Variants in PDE11A observed in about 807,000 individuals in gnomAD.
The protein encoded by PDE11A is dual 3',5'-cyclic-AMP and -GMP phosphodiesterase 11A.
A neutral mutation model predicts 100.5 loss-of-function variants in PDE11A; 100 were observed. The ratio of observed to expected loss-of-function variants is 1.00; its 90% CI spans 0.85 to 1.18. The LOEUF (loss-of-function observed/expected upper bound fraction) is 1.18. PDE11A is among the 50% of genes most tolerant of loss of function. The probability of loss-of-function intolerance (pLI) is 0.00; values close to 1 mark genes in which losing one functional copy is unlikely to be tolerated. For synonymous variants in PDE11A, 381 were observed against 420.8 expected (o/e 0.91, Z 1.16); for missense variants, 1,141 against 1,152.6 (o/e 0.99, Z 0.15).
chr2:177,982,297 A>G (rs1427922825), intron 2 of PDE11A, among the ~76,000 whole-genome samples: 1 of 150,716 alleles, frequency 6.6e-6, no homozygotes, highest in Non-Finnish European at 1.5e-5. Context: ...TCATCATGGA[A>G]CTTAATGCCC....
At position 177,697,404 on chromosome 2, in the gene PDE11A, G is replaced by A; in HGVS notation, c.2273C>T (p.Ser758Phe). Residue 758 changes from serine (S) to phenylalanine (F), a missense_variant, in exon 15 of 20, where the codon TCC becomes TTC. Coordinates refer to ENST00000286063, the MANE Select transcript of PDE11A (RefSeq NM_016953.4). ...CTGCATAAGGTCACTATATTCCTTG[G>A]AGGACAGGTTAGCAAAGATATTGTG... is the stretch of plus-strand genomic sequence containing the variant. ...EGHNIFANLS[S>F]KEYSDLMQLL... 1 of 1,591,772 alleles carries A rather than the reference G, an allele frequency of 6.3e-7. No individual in the cohort carries two copies. Among genetic ancestry groups the A allele is most frequent in the Non-Finnish European group, 8.6e-7 (1 of 1,159,892 alleles).
chr2:177,989,627 TG>T (rs2085979708), intron 2 of PDE11A, among the ~76,000 whole-genome samples: 1 of 152,150 alleles, frequency 6.6e-6, no homozygotes, highest in African/African-American at 2.4e-5. Flanking sequence ...ATAGCTTTTC[TG>T]GTTGGCAGGA....
intron 2 of PDE11A, among the ~76,000 whole-genome samples, chr2:177,959,640 G>C (rs895818621): frequency 1.3e-5 from 2 of 152,138 alleles, no homozygotes; most frequent in African/African-American, 4.8e-5. Context: ...AAGATTTCAG[G>C]GTTGAACAAT....
rs1015476496 is a variant in PDE11A at position 177,691,495 on chromosome 2, C to T, written c.2345+5837G>A. ...CTCAAATTTCTGCTGTTTCTAATGC[C>T]CAAATGTTTCCTGGATTGGCCCCAG... is the stretch of plus-strand genomic sequence containing the variant. On this transcript the variant is annotated intron_variant, in intron 15 of 19. Transcript: ENST00000286063. 2.0e-5 allele frequency among the ~76,000 whole-genome samples: 3 copies of T among 152,236 alleles called. No individual in the cohort carries two copies. The South Asian group carries it at 6.2e-4, about 32-fold the overall frequency.
At chr2:178,004,182 G>C (rs114049668) in intron 2 of PDE11A, among the ~76,000 whole-genome samples, 1 of 151,904 alleles carries the variant, frequency 6.6e-6, no homozygotes, top group African/African-American at 2.4e-5. Context: ...TTAGGATTAC[G>C]GGTGATACTA....
At chr2:178,033,591 A>G (rs2086574575) in intron 1 of PDE11A, among the ~76,000 whole-genome samples, 1 of 152,174 alleles carries the variant, frequency 6.6e-6, no homozygotes, top group Non-Finnish European at 1.5e-5. Flanking sequence ...CCCAAGACAC[A>G]TAATCATCAG....
chr2:177,695,885 G>A (rs549499650), intron 15 of PDE11A, among the ~76,000 whole-genome samples: 11 of 152,244 alleles, frequency 7.2e-5, no homozygotes, highest in African/African-American at 1.7e-4. Context: ...ATTTCAAAGC[G>A]AATGGCACAA....
chr2:177,998,473 C>T, intron 2 of PDE11A: 2 of 1,355,304 alleles, frequency 1.5e-6, no homozygotes, highest in South Asian at 1.2e-5. Context: ...ATTAGTATAT[C>T]TGCCACTCGA....
intron 10 of PDE11A, among the ~76,000 whole-genome samples, chr2:177,750,237 G>C (rs2082007636): frequency 6.6e-6 from 1 of 152,112 alleles, no homozygotes; most frequent in African/African-American, 2.4e-5. Flanking sequence ...ATCTTTAGGA[G>C]CTCCCCTTCT....
chr2:178,063,676 A>T (rs1176839488), intron 1 of PDE11A, among the ~76,000 whole-genome samples: 1 of 152,124 alleles, frequency 6.6e-6, no homozygotes, highest in Non-Finnish European at 1.5e-5. Context: ...GGGCAAGGAG[A>T]ATATTGTCTG....
At chr2:177,731,268 G>C (rs1310079155) in intron 10 of PDE11A, among the ~76,000 whole-genome samples, 1 of 152,050 alleles carries the variant, frequency 6.6e-6, no homozygotes, top group African/African-American at 2.4e-5. Context: ...GTTTTCCTTA[G>C]CGGCCTGATA....
intron 1 of PDE11A, among the ~76,000 whole-genome samples, chr2:178,067,552 A>C (rs2087064054): frequency 6.6e-6 from 1 of 151,980 alleles, no homozygotes; most frequent in African/African-American, 2.4e-5. Context: ...ACTTCTCCCT[A>C]CCCCACAACT....
intron 9 of PDE11A, among the ~76,000 whole-genome samples, chr2:177,807,523 C>A (rs112001293): frequency 0.098 from 14,947 of 152,060 alleles, 775 homozygotes; most frequent in Middle Eastern, 0.14. Context: ...TGGGCTCAGG[C>A]AATCCTCCCA....
rs1026541237 is a variant in PDE11A, at chr2:178,055,062, G to T, written c.912+16464C>A. Among the ~76,000 whole-genome samples the T allele has an allele frequency of 4.1e-4, 62 of 152,172 alleles. 1 individual carries two copies. The highest frequency in any genetic ancestry group is 3.8e-3 in the Admixed American group (58 of 15,274). On this transcript the variant is annotated intron_variant, in intron 1 of 19. Coordinates refer to ENST00000286063, the MANE Select transcript of PDE11A (RefSeq NM_016953.4). ...CACATGCACATGTATGTTTATTTTG[G>T]CACTATTCACAATAGCAAAGACTTG...
At chr2:177,985,544 G>A (rs190831986) in intron 2 of PDE11A, among the ~76,000 whole-genome samples, 87 of 152,124 alleles carry the variant, frequency 5.7e-4, no homozygotes, top group Non-Finnish European at 9.0e-4. Context: ...CACTTGCAAT[G>A]GCATTTTGGG....
At chr2:177,748,233 G>A (rs547268211) in intron 10 of PDE11A, among the ~76,000 whole-genome samples, 1 of 152,242 alleles carries the variant, frequency 6.6e-6, no homozygotes, top group Admixed American at 6.5e-5. Flanking sequence ...TACTTTCAAA[G>A]TCAGAATTAC....
At chr2:177,954,618 G>A (rs1257858902) in intron 2 of PDE11A, among the ~76,000 whole-genome samples, 1 of 152,172 alleles carries the variant, frequency 6.6e-6, no homozygotes, top group African/African-American at 2.4e-5. Context: ...TGCCCAGGGG[G>A]AAGAGAATCA....
chr2:177,649,939 G>A (rs183298646), intron 19 of PDE11A, among the ~76,000 whole-genome samples: 12 of 152,284 alleles, frequency 7.9e-5, no homozygotes, highest in African/African-American at 2.9e-4. Flanking sequence ...TAAATCACCT[G>A]ATTGGTTAAT....
intron 19 of PDE11A, among the ~76,000 whole-genome samples, chr2:177,643,302 A>G (rs905448344): frequency 2.6e-5 from 4 of 152,220 alleles, no homozygotes; most frequent in African/African-American, 9.6e-5. Context: ...CAAAATGCTG[A>G]TAATGATATG....
Sources: allele counts gnomAD v4.1 joint callset (sites outside exome capture counted in the v4.1 genomes callset), GRCh38; gene constraint gnomAD v4.1.1; transcripts MANE v1.5; gene names NCBI Gene and HGNC (gene_info 2026-07-23, HGNC 2026-07-21).